The following BTBD9 variants were observed in gnomAD, a reference collection of about 807,000 sequenced individuals.
The protein encoded by BTBD9 is BTB domain containing 9.
Under a neutral mutation model 64.3 loss-of-function variants are expected in BTBD9, and 49 were observed. The ratio of observed to expected loss-of-function variants is 0.76; its 90% confidence interval spans 0.61 to 0.97. The LOEUF (loss-of-function observed/expected upper bound fraction) is 0.97. Among genes scored for constraint, BTBD9 ranks in the 50% least tolerant of loss-of-function variants. The pLI, the probability that BTBD9 is intolerant of heterozygous loss-of-function variation, is 0.00. For missense variants in BTBD9, 598 were observed against 762.1 expected, an observed-to-expected ratio of 0.78 and a Z score of 2.53; for synonymous variants, 260 against 274.7, an observed-to-expected ratio of 0.95 and a Z score of 0.53.
chr6:38,536,818 A>C (rs1774040248), intron 6 of BTBD9, among the ~76,000 whole-genome samples: 1 of 152,156 alleles, frequency 6.6e-6, no homozygotes, highest in African/African-American at 2.4e-5. Flanking sequence ...CCAGAGGCTG[A>C]GAAGAGTGCT....
chr6:38,196,536 AC>A (rs1762278801), intron 9 of BTBD9, among the ~76,000 whole-genome samples: 1 of 152,168 alleles, frequency 6.6e-6, no homozygotes, highest in African/African-American at 2.4e-5. Context: ...TCCCATCAGC[AC>A]CCATGTCTTG....
At chr6:38,510,704 T>A (rs893888076) in intron 6 of BTBD9, among the ~76,000 whole-genome samples, 38 of 152,338 alleles carry the variant, frequency 2.5e-4, no homozygotes, top group South Asian at 6.2e-4. Flanking sequence ...TTACATTTTT[T>A]AACTTTTGAA....
At chr6:38,453,878 G>A (rs1309223660) in intron 6 of BTBD9, among the ~76,000 whole-genome samples, 3 of 152,154 alleles carry the variant, frequency 2.0e-5, no homozygotes, top group Non-Finnish European at 4.4e-5. Flanking sequence ...AATAGTGGGC[G>A]AATGTTGAAG....
chr6:38,433,963 A>C (rs2127298626), intron 6 of BTBD9, among the ~76,000 whole-genome samples: 1 of 152,080 alleles, frequency 6.6e-6, no homozygotes, highest in Non-Finnish European at 1.5e-5. Flanking sequence ...TATCCTGGCC[A>C]AATTCTTCTC....
At chr6:38,611,891 C>G (rs190948422) in intron 1 of BTBD9, among the ~76,000 whole-genome samples, 108 of 152,178 alleles carry the variant, frequency 7.1e-4, no homozygotes, top group Non-Finnish European at 1.2e-3. Flanking sequence ...CTTACAAAAC[C>G]ACTTAATTAT....
intron 6 of BTBD9, among the ~76,000 whole-genome samples, chr6:38,478,652 C>T (rs1361972729): frequency 6.6e-6 from 1 of 152,170 alleles, no homozygotes; most frequent in South Asian, 2.1e-4. Flanking sequence ...TCTTGGCTTC[C>T]GGAAGGATTC....
At chr6:38,526,003 C>T (rs1333703606) in intron 6 of BTBD9, among the ~76,000 whole-genome samples, 1 of 152,188 alleles carries the variant, frequency 6.6e-6, no homozygotes, top group East Asian at 1.9e-4. Context: ...CAGAAATTTG[C>T]ATAAGTAAAG....
intron 10 of BTBD9, among the ~76,000 whole-genome samples, chr6:38,183,202 G>T (rs867802694): frequency 1.3e-5 from 2 of 152,092 alleles, no homozygotes; most frequent in African/African-American, 2.4e-5. Flanking sequence ...GGATGGTCTC[G>T]ATCTGACCTC....
intron 7 of BTBD9, among the ~76,000 whole-genome samples, chr6:38,296,696 C>T (rs1762167809): frequency 6.6e-6 from 1 of 152,094 alleles, no homozygotes; most frequent in Admixed American, 6.6e-5. Flanking sequence ...GTCTGATATA[C>T]AGTATTTTAA....
At chr6:38,328,988 G>GTGTGTA (rs1763568730) in intron 7 of BTBD9, among the ~76,000 whole-genome samples, 1 of 148,556 alleles carries the variant, frequency 6.7e-6, no homozygotes. Flanking sequence ...GTGTGTGTGT[G>GTGTGTA]TGTGTGTGTG....
At chr6:38,427,973 G>A (rs2127290672) in intron 6 of BTBD9, among the ~76,000 whole-genome samples, 1 of 152,050 alleles carries the variant, frequency 6.6e-6, no homozygotes, top group South Asian at 2.1e-4. Flanking sequence ...GGCACTAGAA[G>A]TGTTAATGTT....
intron 10 of BTBD9, among the ~76,000 whole-genome samples, chr6:38,183,267 G>A (rs545368241): frequency 2.6e-4 from 40 of 152,268 alleles, no homozygotes; most frequent in East Asian, 2.3e-3. Context: ...GTGAGCCACC[G>A]CGCCCGGCCT....
chr6:38,291,896 A>C (rs1322012022), intron 7 of BTBD9, among the ~76,000 whole-genome samples: 1 of 151,630 alleles, frequency 6.6e-6, no homozygotes, highest in Non-Finnish European at 1.5e-5. Flanking sequence ...TCAGTTTGCC[A>C]GTATTTTATT....
chr6:38,389,330 T>C (rs184281403), intron 6 of BTBD9, among the ~76,000 whole-genome samples: 2 of 152,218 alleles, frequency 1.3e-5, no homozygotes, highest in Non-Finnish European at 2.9e-5. Flanking sequence ...TAATGATACA[T>C]TACTGCATCA....
At chr6:38,573,897 G>GA (rs1775904443) in intron 6 of BTBD9, among the ~76,000 whole-genome samples, 1 of 152,142 alleles carries the variant, frequency 6.6e-6, no homozygotes, top group African/African-American at 2.4e-5. Flanking sequence ...AAAGGACTGG[G>GA]AGAGAGTTTA....
chr6:38,301,644 C>T (rs961381101), intron 7 of BTBD9, among the ~76,000 whole-genome samples: 1 of 152,124 alleles, frequency 6.6e-6, no homozygotes, highest in African/African-American at 2.4e-5. Flanking sequence ...AGTTTATTTG[C>T]GTAGAGGTGT....
At chr6:38,508,268 C>T (rs938000796) in intron 6 of BTBD9, among the ~76,000 whole-genome samples, 15 of 152,078 alleles carry the variant, frequency 9.9e-5, no homozygotes, top group African/African-American at 3.6e-4. Flanking sequence ...TATCACCTTC[C>T]TCTGTCAAAT....
chr6:38,317,917 G>C (rs1414283749), intron 7 of BTBD9, among the ~76,000 whole-genome samples: 4 of 148,410 alleles, frequency 2.7e-5, no homozygotes, highest in Admixed American at 1.3e-4. Flanking sequence ...TCTTGAATTT[G>C]AGTTTCCTCA....
chr6:38,176,031 C>T (rs1225529764), intron 10 of BTBD9, among the ~76,000 whole-genome samples: 1 of 152,246 alleles, frequency 6.6e-6, no homozygotes, highest in African/African-American at 2.4e-5. Context: ...CGTGCCAGCA[C>T]TGTGCAGACA....
Sources: gnomAD v4.1 joint callset for allele counts (sites outside exome capture counted in the v4.1 genomes callset) on GRCh38, gnomAD v4.1.1 for gene constraint, MANE v1.5 for transcripts, NCBI Gene and HGNC (gene_info 2026-07-23, HGNC 2026-07-21) for gene names.